PLD1: variants seen among roughly 807,000 people sequenced by gnomAD.
The protein encoded by PLD1 is choline phosphatase 1.
PLD1 carries 112 observed loss-of-function variants against 137.1 expected under a neutral mutation model. The ratio of observed to expected loss-of-function variants is 0.82; its 90% CI spans 0.70 to 0.96. The LOEUF is 0.96. PLD1 is among the 40% of genes least tolerant of loss of function. PLD1 has a pLI of 0.00. For missense variants in PLD1, 1,321 were observed against 1,342.0 expected (o/e 0.98, Z 0.24); for synonymous variants, 431 against 454.7 (o/e 0.95, Z 0.66).
At chr3:171,673,088 T>G (rs1712956926) in intron 19 of PLD1, among the ~76,000 whole-genome samples, 1 of 152,266 alleles carries the variant, frequency 6.6e-6, no homozygotes, top group Non-Finnish European at 1.5e-5. Flanking sequence ...CTTATTTTCC[T>G]AATAACAAGT....
chr3:171,732,750 A>G (rs539504340), intron 6 of PLD1, among the ~76,000 whole-genome samples: 13 of 152,326 alleles, frequency 8.5e-5, no homozygotes, highest in Non-Finnish European at 1.8e-4. Flanking sequence ...ATTCTCAGTT[A>G]TCCAGGCCTC....
At chr3:171,617,948 T>C (rs1310697971) in intron 24 of PLD1, among the ~76,000 whole-genome samples, 1 of 152,118 alleles carries the variant, frequency 6.6e-6, no homozygotes, top group East Asian at 1.9e-4. Flanking sequence ...AACTCGTCTC[T>C]GAGAATTTTA....
At chr3:171,752,834 G>A (rs917061315) in intron 1 of PLD1, among the ~76,000 whole-genome samples, 2 of 152,212 alleles carry the variant, frequency 1.3e-5, no homozygotes, top group African/African-American at 4.8e-5. Flanking sequence ...GGCAGACACT[G>A]AGTAAGAACT....
intron 9 of PLD1, among the ~76,000 whole-genome samples, chr3:171,712,032 G>A (rs1578334948): frequency 6.6e-6 from 1 of 152,198 alleles, no homozygotes; most frequent in African/African-American, 2.4e-5. Context: ...CGTGAGGAGG[G>A]AGGTTGCTTT....
chr3:171,662,433 A>G (rs1010883435), intron 19 of PLD1, among the ~76,000 whole-genome samples: 3 of 152,196 alleles, frequency 2.0e-5, no homozygotes, highest in African/African-American at 7.2e-5. Flanking sequence ...TCTTTCATCC[A>G]GGATTATTTT....
chr3:171,783,361 A>C (rs991013122), intron 1 of PLD1, among the ~76,000 whole-genome samples: 3 of 151,980 alleles, frequency 2.0e-5, no homozygotes, highest in African/African-American at 7.3e-5. Context: ...TTTGCAGGAG[A>C]CTAGGATAGA....
intron 8 of PLD1, among the ~76,000 whole-genome samples, chr3:171,720,774 C>A (rs1189059506): frequency 1.3e-5 from 2 of 152,148 alleles, no homozygotes; most frequent in African/African-American, 2.4e-5. Context: ...CAGGGAGGAT[C>A]GTATCTTTTT....
At chr3:171,641,810 C>T (rs1735769491) in intron 23 of PLD1, among the ~76,000 whole-genome samples, 2 of 152,154 alleles carry the variant, frequency 1.3e-5, no homozygotes, top group Admixed American at 1.3e-4. Context: ...TGTTTACCAA[C>T]AGTAAATGAA....
chr3:171,808,533 C>A (rs1421750881), intron 1 of PLD1, among the ~76,000 whole-genome samples: 4 of 151,942 alleles, frequency 2.6e-5, no homozygotes, highest in African/African-American at 9.7e-5. Flanking sequence ...GAGACTCCGT[C>A]TCAAAAAATA....
chr3:171,731,185 A>C (rs1018489448), intron 6 of PLD1, among the ~76,000 whole-genome samples: 1 of 152,210 alleles, frequency 6.6e-6, no homozygotes, highest in African/African-American at 2.4e-5. Flanking sequence ...GGTTTGTTTT[A>C]TACTTATAAA....
At chr3:171,680,212 C>T (rs989318658) in intron 16 of PLD1, among the ~76,000 whole-genome samples, 7 of 144,376 alleles carry the variant, frequency 4.8e-5, no homozygotes, top group East Asian at 2.0e-4. Flanking sequence ...TTCCCCCTTT[C>T]TCCTGTCTTT....
intron 19 of PLD1, among the ~76,000 whole-genome samples, chr3:171,664,638 T>C (rs1385816639): frequency 6.6e-6 from 1 of 151,918 alleles, no homozygotes; most frequent in Non-Finnish European, 1.5e-5. Flanking sequence ...TTTTTATTTT[T>C]AGTAGAGACG....
intron 1 of PLD1, among the ~76,000 whole-genome samples, chr3:171,770,584 TATA>T (rs1430469573): frequency 1.3e-5 from 2 of 152,014 alleles, no homozygotes; most frequent in Non-Finnish European, 2.9e-5. Context: ...AGAAAGCAAT[TATA>T]AGAAAGGAAC....
chr3:171,683,926 T>C (rs1714268001), intron 16 of PLD1, among the ~76,000 whole-genome samples: 1 of 152,236 alleles, frequency 6.6e-6, no homozygotes, highest in African/African-American at 2.4e-5. Context: ...ATAAAAGAGA[T>C]GAACCATTTG....
intron 1 of PLD1, among the ~76,000 whole-genome samples, chr3:171,770,162 T>G (rs1460465227): frequency 6.6e-6 from 1 of 152,204 alleles, no homozygotes; most frequent in East Asian, 1.9e-4. Context: ...TTAACTATAC[T>G]TTTATGTTTT....
chr3:171,655,945 T>A (rs577835654), intron 21 of PLD1, among the ~76,000 whole-genome samples: 1 of 152,116 alleles, frequency 6.6e-6, no homozygotes, highest in East Asian at 1.9e-4. Flanking sequence ...TGAACTAATT[T>A]CCCATTTTTC....
At chr3:171,685,687 T>C (rs1003553220) in intron 16 of PLD1, among the ~76,000 whole-genome samples, 1 of 152,326 alleles carries the variant, frequency 6.6e-6, no homozygotes, top group Middle Eastern at 3.4e-3. Flanking sequence ...GCCAAATCCT[T>C]CTTTATTCCC....
Position 171,676,764 on chromosome 3 carries a change from G to C in PLD1, c.2066C>G (p.Ala689Gly), listed in dbSNP as rs139363214. 5 of 1,614,048 alleles carry C rather than the reference G, an allele frequency of 3.1e-6. No homozygotes were observed. In the African/African-American group the frequency reaches 5.3e-5, roughly 17 times the overall value. The change falls in exon 18 of 27, where the codon GCG becomes GGG. Residue 689 changes from alanine (A) to glycine (G), a missense_variant. Transcript: ENST00000351298. ...HDIASAVHGK[A>G]ARDVARHFIQ... ...GAAGTGACGTGCCACATCACGAGCC[G>C]CCTTCCCGTGGACTGCAGAGGCAAT...
chr3:171,640,647 C>T (rs938160261), intron 23 of PLD1, among the ~76,000 whole-genome samples: 63 of 152,314 alleles, frequency 4.1e-4, no homozygotes, highest in African/African-American at 1.5e-3. Flanking sequence ...ATAACTCTGC[C>T]TTAGGCTTCA....
Sources: allele counts gnomAD v4.1 joint callset (sites outside exome capture counted in the v4.1 genomes callset), GRCh38; gene constraint gnomAD v4.1.1; transcripts MANE v1.5; gene names NCBI Gene and HGNC (gene_info 2026-07-23, HGNC 2026-07-21).